The following NLGN1 variants were observed in gnomAD, a reference collection of about 807,000 sequenced individuals.
NLGN1 encodes neuroligin-1.
In NLGN1, 12 loss-of-function variants were observed where a neutral mutation model predicts 65.5. That is an observed-to-expected ratio of 0.18 (90% CI 0.12 to 0.30). The LOEUF is 0.30. Among genes scored for constraint, NLGN1 ranks in the 10% least tolerant of loss-of-function variants. The pLI, the probability that NLGN1 is intolerant of heterozygous loss-of-function variation, is 1.00. For synonymous variants in NLGN1, 350 were observed against 359.5 expected (o/e 0.97, Z 0.30); for missense variants, 750 against 1,007.1 (o/e 0.74, Z 3.46).
chr3:173,809,723 A>T (rs1404084269), intron 4 of NLGN1, among the ~76,000 whole-genome samples: 2 of 152,134 alleles, frequency 1.3e-5, no homozygotes. Context: ...ACTGATGAGG[A>T]CTTGACTTTG....
intron 4 of NLGN1, among the ~76,000 whole-genome samples, chr3:174,053,634 C>G (rs1053648633): frequency 6.6e-6 from 1 of 151,910 alleles, no homozygotes; most frequent in Non-Finnish European, 1.5e-5. Flanking sequence ...TAGCATTGAA[C>G]AGTTGTGTCC....
chr3:173,496,399 A>G (rs1730034262), intron 2 of NLGN1, among the ~76,000 whole-genome samples: 1 of 151,984 alleles, frequency 6.6e-6, no homozygotes, highest in Non-Finnish European at 1.5e-5. Context: ...ATGTAAACAT[A>G]CAAAATATTA....
At chr3:174,273,307 A>T (rs1342694317) in intron 4 of NLGN1, among the ~76,000 whole-genome samples, 2 of 151,650 alleles carry the variant, frequency 1.3e-5, no homozygotes, top group East Asian at 1.9e-4. Flanking sequence ...TCTCTCTCTC[A>T]CACGCACATA....
intron 2 of NLGN1, among the ~76,000 whole-genome samples, chr3:173,585,727 G>T (rs1169625534): frequency 2.6e-5 from 4 of 152,198 alleles, no homozygotes; most frequent in African/African-American, 9.6e-5. Flanking sequence ...CCAGGCAGAC[G>T]GCTGCATTTC....
At chr3:173,569,147 A>G (rs1199394776) in intron 2 of NLGN1, among the ~76,000 whole-genome samples, 3 of 152,186 alleles carry the variant, frequency 2.0e-5, no homozygotes, top group African/African-American at 7.2e-5. Context: ...GTTCTAGGAG[A>G]ACATTAGGCA....
chr3:173,410,641 A>G (rs1421904964), intron 1 of NLGN1, among the ~76,000 whole-genome samples: 1 of 152,236 alleles, frequency 6.6e-6, no homozygotes, highest in Non-Finnish European at 1.5e-5. Flanking sequence ...AAAACATTTG[A>G]GTCATAGGCT....
intron 3 of NLGN1, among the ~76,000 whole-genome samples, chr3:173,786,037 T>C (rs1370620079): frequency 6.6e-6 from 1 of 152,160 alleles, no homozygotes; most frequent in Non-Finnish European, 1.5e-5. Flanking sequence ...TAGACCTCAT[T>C]CAACATTAAA....
At chr3:173,758,866 T>TA (rs1372607288) in intron 3 of NLGN1, among the ~76,000 whole-genome samples, 1 of 151,966 alleles carries the variant, frequency 6.6e-6, no homozygotes, top group East Asian at 1.9e-4. Context: ...AAATAACCCT[T>TA]AATCAGTGTG....
intron 1 of NLGN1, among the ~76,000 whole-genome samples, chr3:173,403,883 C>CT (rs893891096): frequency 2.0e-5 from 3 of 151,752 alleles, no homozygotes; most frequent in South Asian, 2.1e-4. Flanking sequence ...CAATACGTGT[C>CT]TTTTTTTTCC....
At chr3:174,292,528 T>C in the NLGN1 span, among the ~76,000 whole-genome samples, 1 of 151,448 alleles carries the variant, frequency 6.6e-6, no homozygotes, top group East Asian at 1.9e-4. Context: ...AAAGAAAACA[T>C]CTACCACTTA....
At chr3:174,035,316 T>C (rs965202245) in intron 4 of NLGN1, among the ~76,000 whole-genome samples, 3 of 152,224 alleles carry the variant, frequency 2.0e-5, no homozygotes, top group Admixed American at 6.6e-5. Flanking sequence ...CACCATTTCA[T>C]TGGTTAATTT....
chr3:173,541,773 G>A (rs1738913158), intron 2 of NLGN1, among the ~76,000 whole-genome samples: 2 of 152,044 alleles, frequency 1.3e-5, no homozygotes, highest in South Asian at 4.1e-4. Context: ...TACATCTAAT[G>A]TTGCTGGCAT....
At chr3:173,436,721 T>G (rs1442883331) in intron 2 of NLGN1, among the ~76,000 whole-genome samples, 1 of 152,186 alleles carries the variant, frequency 6.6e-6, no homozygotes, top group Non-Finnish European at 1.5e-5. Context: ...ATCCAACAAA[T>G]GCAAGACAAT....
At chr3:173,636,364 G>A (rs1432991740) in intron 3 of NLGN1, among the ~76,000 whole-genome samples, 2 of 152,120 alleles carry the variant, frequency 1.3e-5, no homozygotes, top group Non-Finnish European at 2.9e-5. Flanking sequence ...CAGTGAGGTG[G>A]TTCTATTCCT....
At chr3:173,577,042 CT>C (rs1219854467) in intron 2 of NLGN1, among the ~76,000 whole-genome samples, 1 of 152,078 alleles carries the variant, frequency 6.6e-6, no homozygotes, top group African/African-American at 2.4e-5. Context: ...TCTTCTTGTG[CT>C]TTTTTCTGTT....
rs1038015616 is a variant in NLGN1 at position 173,886,519 on chromosome 3, CAG to C, written c.646+78688_646+78689del. On this transcript the variant is annotated intron_variant, in intron 4 of 6. Transcript: ENST00000457714. ...TTTTATTAAGACAAAGAATATTCAA[CAG>C]GGGGCAAATGCAAGCATCTGTTTGG... 1.2e-4 allele frequency among the ~76,000 whole-genome samples: 19 copies of C among 152,112 alleles called. No homozygotes were observed. The East Asian group carries it at 2.1e-3, about 17-fold the overall frequency.
intron 4 of NLGN1, among the ~76,000 whole-genome samples, chr3:173,825,388 ATG>A (rs1553862005): frequency 2.6e-5 from 4 of 151,580 alleles, no homozygotes; most frequent in African/African-American, 9.7e-5. Flanking sequence ...AGTGGAAAAA[ATG>A]ATAAGAGAAT....
intron 4 of NLGN1, among the ~76,000 whole-genome samples, chr3:174,154,986 T>TA (rs1561175098): frequency 1.4e-5 from 1 of 70,780 alleles, no homozygotes; most frequent in Non-Finnish European, 2.4e-5. Context: ...TATATTATAT[T>TA]ATATATTATA....
chr3:174,278,785 T>G, intron 5 of NLGN1, 76 bp from the exon 6 acceptor site: 1 of 1,194,134 alleles, frequency 8.4e-7, no homozygotes. Flanking sequence ...TATACATGTC[T>G]AAAATATCAG....
Sources: gnomAD v4.1 joint callset for allele counts (sites outside exome capture counted in the v4.1 genomes callset) on GRCh38, gnomAD v4.1.1 for gene constraint, MANE v1.5 for transcripts, NCBI Gene and HGNC (gene_info 2026-07-23, HGNC 2026-07-21) for gene names.